CYBB: variants seen among roughly 807,000 people sequenced by gnomAD.
CYBB encodes cytochrome b-245 beta chain.
In CYBB, 5 loss-of-function variants were observed where a neutral mutation model predicts 46.5. That is an observed-to-expected ratio of 0.11 (90% CI 0.06 to 0.23). The LOEUF (loss-of-function observed/expected upper bound fraction) is 0.23, where lower values mean the gene tolerates loss of function less well. Among genes scored for constraint, CYBB ranks in the 10% least tolerant of loss-of-function variants. The probability of loss-of-function intolerance (pLI) is 1.00; values close to 1 mark genes in which losing one functional copy is unlikely to be tolerated. For missense variants in CYBB, 307 were observed against 428.3 expected, an observed-to-expected ratio of 0.72 and a Z score of 2.50; for synonymous variants, 183 against 156.7, an observed-to-expected ratio of 1.17 and a Z score of -1.26.
At chrX:37,781,262 T>G (rs1928947004) in intron 1 of CYBB, among the ~76,000 whole-genome samples, 1 of 112,560 alleles carries the variant, frequency 8.9e-6, no homozygotes, top group Admixed American at 9.4e-5. Flanking sequence ...TCCTTCTAAA[T>G]TATATACTCA....
chrX:37,805,712 C>T (rs1929546918), intron 10 of CYBB, among the ~76,000 whole-genome samples: 1 of 110,842 alleles, frequency 9.0e-6, no homozygotes, highest in Non-Finnish European at 1.9e-5. Flanking sequence ...GCCCCACCCC[C>T]TCCACTCACC....
At position 37,804,999 on chromosome X, in the gene CYBB, C is replaced by T. The variant is rs1377275293; in HGVS notation, c.1152-7C>T. The T allele has an allele frequency of 4.1e-5, 50 of 1,209,231 alleles. No individual in the cohort carries two copies. Among genetic ancestry groups the T allele is most frequent in the Non-Finnish European group, 5.6e-5 (50 of 894,332 alleles). On this transcript the variant is annotated splice_polypyrimidine_tract_variant and splice_region_variant and intron_variant, in intron 9 of 12. Coordinates refer to ENST00000378588, the MANE Select transcript of CYBB (RefSeq NM_000397.4). Reference sequence around the variant, plus strand: ...TCTGTAACTATCTCCTCCCCATTTCCCTTCAGGATAGCGGTTGATGGGCCC... The same window carrying T: ...TCTGTAACTATCTCCTCCCCATTTCTCTTCAGGATAGCGGTTGATGGGCCC...
chrX:37,805,045 T>A lies in CYBB; in HGVS notation c.1191T>A (p.Asp397Glu). ...GGCCCTTTGGCACTGCCAGTGAAGA[T>A]GTGTTCAGCTATGAGGTGGTGATGT... ...VDGPFGTASE[D>E]VFSYEVVMLV... Residue 397 changes from aspartate to glutamate, a missense_variant, in exon 10 of 13, where the codon GAT (aspartate) becomes GAA (glutamate). Physicochemically the swap from Asp to Glu is conservative, Grantham distance 45. This residue lies in a region of CYBB where 122 missense variants were observed against 208.3 expected (regional missense o/e 0.59). Transcript: ENST00000378588. 8.3e-7 allele frequency: 1 copy of A among 1,211,597 alleles called. No homozygotes were observed. The highest frequency in any genetic ancestry group is 3.0e-5 in the East Asian group (1 of 33,834).
At chrX:37,810,226 C>A (rs1432088902) in intron 12 of CYBB, among the ~76,000 whole-genome samples, 1 of 111,909 alleles carries the variant, frequency 8.9e-6, no homozygotes, top group African/African-American at 3.2e-5. Flanking sequence ...GTGTACCCTT[C>A]AGACTATTGC....
intron 3 of CYBB, among the ~76,000 whole-genome samples, chrX:37,785,410 CA>C: frequency 8.9e-6 from 1 of 112,347 alleles, no homozygotes; most frequent in South Asian, 3.7e-4. Flanking sequence ...CAAGGATTTC[CA>C]AAAAATCTTC....
intron 5 of CYBB, among the ~76,000 whole-genome samples, chrX:37,795,212 C>CT (rs1412085068): frequency 9.0e-6 from 1 of 111,547 alleles, no homozygotes; most frequent in Non-Finnish European, 1.9e-5. Flanking sequence ...GCTCAGAGAT[C>CT]TTGGAAGGTT....
Position 37,798,994 on chromosome X carries a change from G to A in CYBB, c.714G>A (p.Val238=). ...GGCAGACCGCAGAGAGTTTGGCTGT[G>A]CATAATATAACAGTTTGTGAACAAA... ...VRGQTAESLA[V]HNITVCEQKI... The change falls in exon 7 of 13, where the codon GTG becomes GTA. Residue 238 remains valine (V), a synonymous_variant. Coordinates refer to ENST00000378588, the MANE Select transcript of CYBB (RefSeq NM_000397.4). 1.7e-6 allele frequency: 2 copies of A among 1,208,049 alleles called. No individual in the cohort carries two copies. Among genetic ancestry groups the A allele is most frequent in the South Asian group, 3.5e-5 (2 of 56,820 alleles).
Position 37,806,533 on chromosome X carries a change from G to A in CYBB, c.1461G>A (p.Gln487=), listed in dbSNP as rs1199996643. 6 of 1,207,396 alleles carry A rather than the reference G, an allele frequency of 5.0e-6. No homozygotes were observed. The highest frequency in any genetic ancestry group is 6.7e-6 in the Non-Finnish European group (6 of 893,779). ...ACCTCACTGGCTGGGATGAGTCTCA[G>A]GTAAGGACAAGACTCCAAGGCTCAG... The part of the protein sequence containing the change: ...NIYLTGWDES[Q]ANHFAVHHDE... Residue 487 remains glutamine, a splice_region_variant and synonymous_variant, in exon 11 of 13, where the codon CAG becomes CAA. Coordinates refer to ENST00000378588, the MANE Select transcript of CYBB (RefSeq NM_000397.4).
intron 1 of CYBB, 93 bp downstream of exon 1, chrX:37,780,215 G>C: frequency 1.4e-6 from 1 of 728,852 alleles, no homozygotes; most frequent in Admixed American, 2.4e-5. Context: ...TTCATTTGAG[G>C]AATTGTGTTG....
intron 11 of CYBB, 40 bp from the exon 12 acceptor site, chrX:37,809,527 A>G: frequency 8.5e-7 from 1 of 1,173,799 alleles, no homozygotes; most frequent in Non-Finnish European, 1.1e-6. Flanking sequence ...GCTTTTACAG[A>G]ATGTCTCTTT....
At chrX:37,786,688 A>G (rs1308364725) in intron 3 of CYBB, among the ~76,000 whole-genome samples, 1 of 111,269 alleles carries the variant, frequency 9.0e-6, no homozygotes, top group African/African-American at 3.3e-5. Context: ...CAGCACACAA[A>G]AATCTCTGAG....
intron 3 of CYBB, among the ~76,000 whole-genome samples, chrX:37,788,899 A>C (rs1013817269): frequency 1.7e-4 from 19 of 111,840 alleles, no homozygotes; most frequent in African/African-American, 5.9e-4. Flanking sequence ...TGTAGGTCAC[A>C]AGTCCAGCAC....
chrX:37,797,380 T>G (rs1471259670), intron 6 of CYBB, among the ~76,000 whole-genome samples: 1 of 111,834 alleles, frequency 8.9e-6, no homozygotes, highest in Non-Finnish European at 1.9e-5. Flanking sequence ...CACTTTCTGT[T>G]TGTATGGTTT....
intron 3 of CYBB, among the ~76,000 whole-genome samples, chrX:37,786,061 A>G (rs1929060834): frequency 8.9e-6 from 1 of 112,436 alleles, no homozygotes; most frequent in Admixed American, 9.4e-5. Flanking sequence ...TAAAACTATC[A>G]GCAAGCAACA....
intron 7 of CYBB, among the ~76,000 whole-genome samples, chrX:37,799,716 C>T (rs1929397088): frequency 9.0e-6 from 1 of 111,296 alleles, no homozygotes; most frequent in South Asian, 3.7e-4. Context: ...CTGAAGGGTT[C>T]CATTTTGTGT....
intron 2 of CYBB, 135 bp downstream of exon 2, chrX:37,782,318 A>G: frequency 2.0e-6 from 1 of 510,649 alleles, no homozygotes; most frequent in South Asian, 2.6e-5. Context: ...CACTCCCTCC[A>G]TTGCAACTTC....
At chrX:37,796,644 G>C (rs1312355462) in intron 6 of CYBB, among the ~76,000 whole-genome samples, 1 of 111,914 alleles carries the variant, frequency 8.9e-6, no homozygotes, top group African/African-American at 3.3e-5. Flanking sequence ...AAAATATGTG[G>C]TTGTTGCCTT....
intron 7 of CYBB, among the ~76,000 whole-genome samples, chrX:37,799,739 C>G (rs1318515453): frequency 2.7e-5 from 3 of 111,708 alleles, no homozygotes; most frequent in African/African-American, 9.8e-5. Context: ...TCTCATAACA[C>G]TGCTCCATAG....
chrX:37,807,572 CA>C (rs1929590480), intron 11 of CYBB, among the ~76,000 whole-genome samples: 1 of 110,630 alleles, frequency 9.0e-6, no homozygotes, highest in African/African-American at 3.3e-5. Flanking sequence ...TGAAAAAACT[CA>C]GACCAGGTTA....
Sources: gnomAD v4.1 joint callset for allele counts (sites outside exome capture counted in the v4.1 genomes callset) on GRCh38, gnomAD v4.1.1 for gene constraint, gnomAD v4.1.1 regional missense constraint, MANE v1.5 for transcripts, NCBI Gene and HGNC (gene_info 2026-07-23, HGNC 2026-07-21) for gene names.